The following CAB39 variants were observed in gnomAD, a reference collection of about 807,000 sequenced individuals.
CAB39 encodes the protein calcium-binding protein 39.
Under a neutral mutation model 40.0 loss-of-function variants are expected in CAB39, and 8 were observed. The ratio of observed to expected loss-of-function variants is 0.20; its 90% CI spans 0.12 to 0.36. The LOEUF (loss-of-function observed/expected upper bound fraction) is 0.36. Among genes scored for constraint, CAB39 ranks in the 10% least tolerant of loss-of-function variants. The pLI is 1.00. For synonymous variants in CAB39, 156 were observed against 141.6 expected (o/e 1.10, Z -0.72); for missense variants, 270 against 401.1 (o/e 0.67, Z 2.79).
intron 2 of CAB39, among the ~76,000 whole-genome samples, chr2:230,786,655 A>G (rs1695799581): frequency 6.6e-6 from 1 of 152,230 alleles, no homozygotes; most frequent in African/African-American, 2.4e-5. Flanking sequence ...TAAGAGCTTT[A>G]AAACTTTGAT....
intron 1 of CAB39, among the ~76,000 whole-genome samples, chr2:230,715,783 A>C (rs1328111045): frequency 1.3e-5 from 2 of 151,936 alleles, no homozygotes; most frequent in Non-Finnish European, 2.9e-5. Context: ...GCTCACTGCA[A>C]CCTCAACCTC....
At chr2:230,796,431 A>G (rs749488903) in intron 4 of CAB39, among the ~76,000 whole-genome samples, 1 of 151,950 alleles carries the variant, frequency 6.6e-6, no homozygotes, top group African/African-American at 2.4e-5. Flanking sequence ...TTTGCCTTGT[A>G]TTTACTGGTT....
intron 1 of CAB39, among the ~76,000 whole-genome samples, chr2:230,754,283 C>CT (rs1695141382): frequency 6.7e-6 from 1 of 150,170 alleles, no homozygotes. Context: ...TTGTAGTATT[C>CT]TTTTTTCTTT....
rs61365992 is a variant in CAB39, at chr2:230,801,867, T to TAAA, written c.567+2981_567+2983dup. ...CTGGGCGACGGAGTGGGACTCTGTT[T>TAAA]AAAAAAAAAAAAATGCTCTAAATAT... On this transcript the variant is annotated intron_variant, in intron 5 of 8. Coordinates refer to ENST00000258418, the MANE Select transcript of CAB39 (RefSeq NM_016289.4). 4.8e-3 allele frequency among the ~76,000 whole-genome samples: 695 copies of TAAA among 146,184 alleles called. 5 individuals are homozygous for TAAA. The highest frequency in any genetic ancestry group is 0.016 in the African/African-American group (660 of 40,012).
intron 2 of CAB39, among the ~76,000 whole-genome samples, chr2:230,763,187 T>C (rs1200382767): frequency 6.6e-6 from 1 of 152,232 alleles, no homozygotes; most frequent in East Asian, 1.9e-4. Flanking sequence ...TAGCATTGTT[T>C]TAAGTTTTGA....
In CAB39 at chr2:230,807,504, C is replaced by T. The variant is rs567424196; in HGVS notation, c.568-2759C>T. ...TGGGTCCACCTGCTCCTTGGGCAGA[C>T]TCTGAGTGCCCCTTTCAATCGCTCT... is the stretch of plus-strand genomic sequence containing the variant. On this transcript the variant is annotated intron_variant, in intron 5 of 8. Coordinates refer to ENST00000258418, the MANE Select transcript of CAB39 (RefSeq NM_016289.4). Among the ~76,000 whole-genome samples, 81 of 148,614 alleles carry T rather than the reference C, an allele frequency of 5.5e-4. 1 individual carries two copies. Among genetic ancestry groups the T allele is most frequent in the African/African-American group, 1.7e-3 (69 of 40,320 alleles).
chr2:230,807,554 T>C lies in CAB39; in HGVS notation c.568-2709T>C, dbSNP rs571501153. On this transcript the variant is annotated intron_variant, in intron 5 of 8. Transcript: ENST00000258418. ...TTACCCCAAAGCCATTGAGATTTGA[T>C]TTCTGGTTGGCAGCAGTTTCCTGAG... is the stretch of plus-strand genomic sequence containing the variant. Among the ~76,000 whole-genome samples, 6 of 152,226 alleles carry C rather than the reference T, an allele frequency of 3.9e-5. No individual in the cohort carries two copies. In the South Asian group the frequency reaches 1.2e-3, roughly 32 times the overall value.
In CAB39 at chr2:230,737,110, C is replaced by G. The variant is rs1343839385; in HGVS notation, c.-43-22849C>G. On this transcript the variant is annotated intron_variant, in intron 1 of 8. Transcript: ENST00000258418. ...TTTCCTCAGAAACTAGTTCTGCACCCAACATGCAGACATTTTTAATAGACA... is the reference window on the plus strand; with the variant it reads ...TTTCCTCAGAAACTAGTTCTGCACCGAACATGCAGACATTTTTAATAGACA... 2.0e-5 allele frequency among the ~76,000 whole-genome samples: 3 copies of G among 152,124 alleles called. 1 individual carries two copies. Among genetic ancestry groups the G allele is most frequent in the Non-Finnish European group, 4.4e-5 (3 of 68,020 alleles).
chr2:230,762,015 C>T (rs1474801896), intron 2 of CAB39, among the ~76,000 whole-genome samples: 3 of 152,042 alleles, frequency 2.0e-5, no homozygotes, highest in African/African-American at 7.3e-5. Context: ...TCGAGCAGTT[C>T]TCCTGTCCCA....
chr2:230,791,672 C>A (rs1274756003), intron 3 of CAB39, among the ~76,000 whole-genome samples: 2 of 152,170 alleles, frequency 1.3e-5, no homozygotes, highest in African/African-American at 4.8e-5. Context: ...GGCGTCTACA[C>A]CTGGGTTTGC....
chr2:230,761,985 G>A (rs1695303226), intron 2 of CAB39, among the ~76,000 whole-genome samples: 1 of 152,012 alleles, frequency 6.6e-6, no homozygotes, highest in Non-Finnish European at 1.5e-5. Flanking sequence ...TCAGCTCACT[G>A]TAACCTCTAC....
At chr2:230,773,316 G>GTGTGTA (rs1695525072) in intron 2 of CAB39, among the ~76,000 whole-genome samples, 1 of 97,546 alleles carries the variant, frequency 1.0e-5, no homozygotes, top group African/African-American at 4.3e-5. Flanking sequence ...ATATATATAT[G>GTGTGTA]TGTGTGTGTG....
chr2:230,812,173 A>G (rs1041333537), intron 6 of CAB39, among the ~76,000 whole-genome samples: 2 of 152,238 alleles, frequency 1.3e-5, no homozygotes, highest in African/African-American at 4.8e-5. Flanking sequence ...TGGCTGCTCA[A>G]AAGAAACGTA....
chr2:230,779,722 G>C (rs1204090846), intron 2 of CAB39, among the ~76,000 whole-genome samples: 1 of 152,214 alleles, frequency 6.6e-6, no homozygotes, highest in Non-Finnish European at 1.5e-5. Context: ...CCTTGAATGT[G>C]TTAGGGAGAT....
intron 1 of CAB39, among the ~76,000 whole-genome samples, chr2:230,724,172 G>A (rs1575899376): frequency 6.6e-6 from 1 of 151,358 alleles, no homozygotes; most frequent in Non-Finnish European, 1.5e-5. Context: ...GCTTGAACCC[G>A]GGAGGTGGAG....
rs1696479961 is a variant in CAB39 at position 230,820,019 on chromosome 2, T to C, written c.*1315T>C. The stretch of plus-strand genomic sequence containing the variant: ...GAAATTTATTTTTTTTAATGTCCTG[T>C]TCCTTAATGCTGCAAATTATCAGTA... On this transcript the variant is annotated 3_prime_UTR_variant, in exon 9 of 9. Transcript: ENST00000258418. The C allele has an allele frequency of 6.6e-6, 1 of 152,630 alleles. No homozygotes were observed. Among genetic ancestry groups the C allele is most frequent in the African/African-American group, 2.4e-5 (1 of 41,438 alleles). 9.5% of individuals were successfully genotyped at this position (152,630 alleles called of 1,614,324 possible).
chr2:230,717,427 G>A (rs1014619287), intron 1 of CAB39, among the ~76,000 whole-genome samples: 3 of 152,090 alleles, frequency 2.0e-5, no homozygotes, highest in Admixed American at 6.5e-5. Flanking sequence ...CTTTCCGACC[G>A]GATCCCAACC....
At chr2:230,774,617 C>G (rs1476363596) in intron 2 of CAB39, among the ~76,000 whole-genome samples, 7 of 152,114 alleles carry the variant, frequency 4.6e-5, no homozygotes, top group African/African-American at 1.7e-4. Flanking sequence ...GGTTCCCTTC[C>G]TTACGATGAA....
At chr2:230,781,187 G>A (rs1043387701) in intron 2 of CAB39, among the ~76,000 whole-genome samples, 1 of 152,114 alleles carries the variant, frequency 6.6e-6, no homozygotes, top group Non-Finnish European at 1.5e-5. Context: ...AATACATCAA[G>A]ATGTAGTGAA....
Sources: allele counts gnomAD v4.1 joint callset (sites outside exome capture counted in the v4.1 genomes callset), GRCh38; gene constraint gnomAD v4.1.1; transcripts MANE v1.5; gene names NCBI Gene and HGNC (gene_info 2026-07-23, HGNC 2026-07-21).